Variants in CNTLN observed in about 807,000 individuals in gnomAD.
The protein encoded by CNTLN is centlein.
A neutral mutation model predicts 180.0 loss-of-function variants in CNTLN; 212 were observed. The ratio of observed to expected loss-of-function variants is 1.18; its 90% CI spans 1.05 to 1.32. CNTLN has a LOEUF of 1.32. Ranked by LOEUF, CNTLN falls within the 40% of genes most tolerant of loss-of-function variation. The pLI, the probability that CNTLN is intolerant of heterozygous loss-of-function variation, is 0.00. For synonymous variants in CNTLN, 722 were observed against 563.1 expected, an observed-to-expected ratio of 1.28 and a Z score of -3.99; for missense variants, 2,095 against 1,610.9, an observed-to-expected ratio of 1.30 and a Z score of -5.14.
chr9:17,495,095 G>C, intron 25 of CNTLN: 1 of 353,012 alleles, frequency 2.8e-6, no homozygotes, highest in South Asian at 2.1e-5. Flanking sequence ...GCCCAGGCTG[G>C]TCTCCAACTC....
chr9:17,224,465 A>G (rs910420594), intron 2 of CNTLN, among the ~76,000 whole-genome samples: 2 of 151,966 alleles, frequency 1.3e-5, no homozygotes, highest in Non-Finnish European at 2.9e-5. Flanking sequence ...TTTCATCCCC[A>G]TAGTTATTAC....
intron 25 of CNTLN, among the ~76,000 whole-genome samples, chr9:17,489,501 A>T (rs1833042254): frequency 1.3e-5 from 2 of 152,044 alleles, no homozygotes; most frequent in African/African-American, 4.8e-5. Flanking sequence ...TGAGATTATC[A>T]GGGTGAATCT....
intron 15 of CNTLN, among the ~76,000 whole-genome samples, chr9:17,403,449 ATCCCAAAAAAAAGCTTCAT>A (rs1827137014): frequency 1.3e-5 from 2 of 151,716 alleles, no homozygotes; most frequent in East Asian, 3.9e-4. Context: ...CCAATTGCAA[ATCCCAAAAAAAAGCTTCAT>A]TCTCCAGAGG....
At chr9:17,311,696 C>G (rs570444099) in intron 8 of CNTLN, among the ~76,000 whole-genome samples, 2 of 152,126 alleles carry the variant, frequency 1.3e-5, no homozygotes, top group East Asian at 2.0e-4. Flanking sequence ...GTAGTCCCAT[C>G]TACTCGGGAG....
At chr9:17,232,748 T>G (rs769224215) in intron 3 of CNTLN, among the ~76,000 whole-genome samples, 1 of 151,978 alleles carries the variant, frequency 6.6e-6, no homozygotes, top group Non-Finnish European at 1.5e-5. Flanking sequence ...CGGTAGTTTG[T>G]TGTGTATCAA....
intron 2 of CNTLN, among the ~76,000 whole-genome samples, chr9:17,150,485 C>G (rs549367191): frequency 3.3e-5 from 5 of 152,118 alleles, no homozygotes; most frequent in Non-Finnish European, 5.9e-5. Context: ...ATTTCTGAGG[C>G]CTCCATTCTG....
intron 2 of CNTLN, among the ~76,000 whole-genome samples, chr9:17,216,406 A>G (rs1823757281): frequency 6.6e-6 from 1 of 152,120 alleles, no homozygotes; most frequent in African/African-American, 2.4e-5. Context: ...CCTGTTTGGT[A>G]ATGAAAACTC....
At chr9:17,473,197 A>G (rs1207306996) in intron 23 of CNTLN, among the ~76,000 whole-genome samples, 4 of 152,158 alleles carry the variant, frequency 2.6e-5, no homozygotes, top group Admixed American at 6.5e-5. Context: ...ACTATGTGAT[A>G]ATCCTAATTA....
intron 10 of CNTLN, among the ~76,000 whole-genome samples, chr9:17,333,202 C>T (rs1481801660): frequency 6.6e-6 from 1 of 151,978 alleles, no homozygotes; most frequent in Non-Finnish European, 1.5e-5. Context: ...CTGAATTTGT[C>T]TCAGAACATG....
chr9:17,475,891 G>C (rs10963114), intron 23 of CNTLN, among the ~76,000 whole-genome samples: 70,661 of 143,524 alleles, frequency 0.49, 18,559 homozygotes, highest in South Asian at 0.62. Context: ...AAAAAAAAAA[G>C]AAGATAGGAT....
intron 2 of CNTLN, among the ~76,000 whole-genome samples, chr9:17,168,798 T>C (rs1820248774): frequency 6.6e-6 from 1 of 152,170 alleles, no homozygotes; most frequent in South Asian, 2.1e-4. Context: ...TAGATGGCTC[T>C]ATTGAATAAG....
intron 13 of CNTLN, among the ~76,000 whole-genome samples, chr9:17,384,289 T>TG (rs1491450086): frequency 4.3e-5 from 2 of 46,260 alleles, no homozygotes; most frequent in Non-Finnish European, 1.3e-4. Context: ...ATAAATAAAA[T>TG]GAAAAAAAAA....
At chr9:17,168,849 A>G (rs992644270) in intron 2 of CNTLN, among the ~76,000 whole-genome samples, 2 of 152,122 alleles carry the variant, frequency 1.3e-5, no homozygotes, top group Non-Finnish European at 2.9e-5. Flanking sequence ...TAGGTGATGA[A>G]TTGTGAAGTT....
At chr9:17,317,918 A>T (rs374252999) in intron 8 of CNTLN, among the ~76,000 whole-genome samples, 6 of 152,134 alleles carry the variant, frequency 3.9e-5, no homozygotes, top group Admixed American at 2.0e-4. Context: ...TTTTACTCTG[A>T]GTGAAATGGA....
intron 5 of CNTLN, among the ~76,000 whole-genome samples, chr9:17,264,996 T>G (rs1827301994): frequency 6.9e-6 from 1 of 144,836 alleles, no homozygotes; most frequent in South Asian, 2.5e-4. Context: ...ACAGGGACAA[T>G]TTGACTTCCT....
downstream of CNTLN, among the ~76,000 whole-genome samples, chr9:17,506,610 A>T (rs1833936556): frequency 6.6e-6 from 1 of 152,168 alleles, no homozygotes; most frequent in Non-Finnish European, 1.5e-5. Context: ...TCTCCATATT[A>T]TGCAGGATTC....
At chr9:17,313,159 G>A (rs986007313) in intron 8 of CNTLN, among the ~76,000 whole-genome samples, 1 of 151,974 alleles carries the variant, frequency 6.6e-6, no homozygotes, top group African/African-American at 2.4e-5. Flanking sequence ...GTTATATTTT[G>A]CATAGTATAA....
At chr9:17,509,461 T>G in the CNTLN span, among the ~76,000 whole-genome samples, 1 of 152,220 alleles carries the variant, frequency 6.6e-6, no homozygotes, top group Non-Finnish European at 1.5e-5. Context: ...CAGCATTGTT[T>G]GTGATCAAGG....
At chr9:17,390,231 G>T (rs1189202383) in intron 14 of CNTLN, among the ~76,000 whole-genome samples, 2 of 101,640 alleles carry the variant, frequency 2.0e-5, no homozygotes, top group Admixed American at 2.4e-4. Flanking sequence ...TTTGAAAAGA[G>T]CCTCTTTTTT....
Sources: allele counts gnomAD v4.1 joint callset (sites outside exome capture counted in the v4.1 genomes callset), GRCh38; gene constraint gnomAD v4.1.1; transcripts MANE v1.5; gene names NCBI Gene and HGNC (gene_info 2026-07-23, HGNC 2026-07-21).